ANO1: variants seen among roughly 807,000 people sequenced by gnomAD.
ANO1 encodes the protein anoctamin 1, also known as anoctamin-1.
In ANO1, 59 loss-of-function variants were observed where a neutral mutation model predicts 124.0. The observed-to-expected ratio is 0.48, with a 90% CI of 0.39 to 0.59. The LOEUF (loss-of-function observed/expected upper bound fraction) is 0.59, where lower values mean the gene tolerates loss of function less well. ANO1 is among the 20% of genes least tolerant of loss of function. The probability of loss-of-function intolerance (pLI) is 0.00; values close to 1 mark genes in which losing one functional copy is unlikely to be tolerated. For missense variants in ANO1, 1,059 were observed against 1,328.0 expected, an observed-to-expected ratio of 0.80 and a Z score of 3.15; for synonymous variants, 529 against 532.0, an observed-to-expected ratio of 0.99 and a Z score of 0.08.
At chr11:70,165,865 A>T (rs904485131) in intron 20 of ANO1, among the ~76,000 whole-genome samples, 2 of 152,084 alleles carry the variant, frequency 1.3e-5, no homozygotes, top group Non-Finnish European at 2.9e-5. Flanking sequence ...ACAAAAAAAT[A>T]AAAAGTTAGC....
At chr11:69,969,339 G>A in the ANO1 span, among the ~76,000 whole-genome samples, 1 of 152,194 alleles carries the variant, frequency 6.6e-6, no homozygotes, top group Non-Finnish European at 1.5e-5. Flanking sequence ...AGGTGTGGCT[G>A]GATCCTGGTG....
chr11:70,014,930 C>CTA (rs1198456606), intron 1 of ANO1: 3 of 147,906 alleles, frequency 2.0e-5, no homozygotes, highest in African/African-American at 7.5e-5. Context: ...ATCGCTTTGG[C>CTA]TATGGCATGG....
chr11:70,083,441 C>T (rs2509125), intron 1 of ANO1, among the ~76,000 whole-genome samples: 60,270 of 151,906 alleles, frequency 0.4, 12,234 homozygotes, highest in African/African-American at 0.48. Flanking sequence ...AGTGCTGTCT[C>T]TCCCTCCACC....
intron 10 of ANO1, among the ~76,000 whole-genome samples, chr11:70,128,774 G>A (rs1026968686): frequency 1.3e-5 from 2 of 152,332 alleles, no homozygotes; most frequent in East Asian, 1.9e-4. Context: ...GGCTAAAGGC[G>A]GTGAAGTGAG....
chr11:70,019,558 G>A (rs997165154), intron 1 of ANO1, among the ~76,000 whole-genome samples: 2 of 62,130 alleles, frequency 3.2e-5, no homozygotes, highest in Admixed American at 2.2e-4. Context: ...GCTCACCCGA[G>A]CCAATTGTAT....
chr11:70,048,639 C>G (rs1857297545), intron 1 of ANO1, among the ~76,000 whole-genome samples: 2 of 151,840 alleles, frequency 1.3e-5, no homozygotes, highest in South Asian at 2.1e-4. Context: ...GTTTCTCTCT[C>G]TCTGTCTTCC....
intron 11 of ANO1, 113 bp from the exon 12 acceptor site, chr11:70,149,597 T>G: frequency 1.0e-5 from 11 of 1,085,860 alleles, no homozygotes; most frequent in Non-Finnish European, 1.5e-5. Context: ...TTGCAGTGGG[T>G]GGAGATTGCG....
chr11:70,007,020 T>TTGCTGTGCATTAACTGTATGCACATGA (rs2120353772), intron 1 of ANO1, among the ~76,000 whole-genome samples: 1 of 152,262 alleles, frequency 6.6e-6, no homozygotes, highest in Admixed American at 6.5e-5. Flanking sequence ...TGTATGCACA[T>TTGCTGTGCATTAACTGTATGCACATGA]TGCTGTGCAT....
intron 1 of ANO1, among the ~76,000 whole-genome samples, chr11:69,998,646 C>T (rs1856321072): frequency 6.6e-6 from 1 of 152,146 alleles, no homozygotes; most frequent in African/African-American, 2.4e-5. Context: ...GCCATTCTCC[C>T]ATTGCCAAAA....
intron 1 of ANO1, among the ~76,000 whole-genome samples, chr11:70,028,748 G>A (rs1450348201): frequency 6.6e-6 from 1 of 152,158 alleles, no homozygotes; most frequent in African/African-American, 2.4e-5. Flanking sequence ...TCGTGGAGGT[G>A]GGACCGCCTC....
At chr11:69,967,720 G>A in the ANO1 span, among the ~76,000 whole-genome samples, 2 of 152,210 alleles carry the variant, frequency 1.3e-5, no homozygotes, top group Non-Finnish European at 2.9e-5. Context: ...TCACCTGCCC[G>A]AGGGCCACAC....
intron 1 of ANO1, among the ~76,000 whole-genome samples, chr11:70,009,680 A>G (rs1856554950): frequency 6.6e-6 from 1 of 152,164 alleles, no homozygotes; most frequent in African/African-American, 2.4e-5. Flanking sequence ...GTGAGACCTC[A>G]GGAAGCTTCT....
chr11:70,153,417 A>G (rs554844237), intron 14 of ANO1, among the ~76,000 whole-genome samples: 3 of 152,260 alleles, frequency 2.0e-5, no homozygotes, highest in Non-Finnish European at 2.9e-5. Context: ...ATCTCTTGTC[A>G]TGATGTATCC....
intron 21 of ANO1, chr11:70,170,273 G>T (rs2135758845): frequency 2.4e-6 from 1 of 411,210 alleles, no homozygotes; most frequent in African/African-American, 2.1e-5. Flanking sequence ...GGGCCTTTGA[G>T]CTCACGATGG....
intron 1 of ANO1, among the ~76,000 whole-genome samples, chr11:70,059,600 C>A (rs76721811): frequency 0.23 from 35,166 of 151,838 alleles, 4,808 homozygotes; most frequent in South Asian, 0.33. Flanking sequence ...AAGCCTGATG[C>A]GTAGGAAAAG....
At chr11:69,981,754 T>C (rs1554996243), upstream of ANO1, among the ~76,000 whole-genome samples, 3 of 152,216 alleles carry the variant, frequency 2.0e-5, no homozygotes, top group African/African-American at 7.2e-5. Flanking sequence ...GGGCTCTCTC[T>C]AGTCCCTTCC....
At chr11:70,106,054 C>T (rs905224857) in intron 5 of ANO1, among the ~76,000 whole-genome samples, 4 of 152,038 alleles carry the variant, frequency 2.6e-5, no homozygotes, top group African/African-American at 4.8e-5. Context: ...TTTCAAAGGT[C>T]GGTGTTTCTG....
intron 4 of ANO1, among the ~76,000 whole-genome samples, chr11:70,104,909 T>G (rs1405784665): frequency 6.6e-6 from 1 of 152,040 alleles, no homozygotes; most frequent in Non-Finnish European, 1.5e-5. Flanking sequence ...ATAAATGTAG[T>G]AGGGGTGGAG....
chr11:70,073,339 A>G (rs1344662526), upstream of ANO1, among the ~76,000 whole-genome samples: 1 of 152,180 alleles, frequency 6.6e-6, no homozygotes, highest in African/African-American at 2.4e-5. Flanking sequence ...ACTTCTTCCC[A>G]CACCTCATGA....
Sources: allele counts gnomAD v4.1 joint callset (sites outside exome capture counted in the v4.1 genomes callset), GRCh38; gene constraint gnomAD v4.1.1; transcripts MANE v1.5; gene names NCBI Gene and HGNC (gene_info 2026-07-23, HGNC 2026-07-21).